PCDHGA9: variants seen among roughly 807,000 people sequenced by gnomAD.
PCDHGA9 encodes protocadherin gamma subfamily A, 9.
A neutral mutation model predicts 62.5 loss-of-function variants in PCDHGA9; 37 were observed. That is an observed-to-expected ratio of 0.59 (90% CI 0.46 to 0.78). The LOEUF (loss-of-function observed/expected upper bound fraction) is 0.78. PCDHGA9 is among the 30% of genes least tolerant of loss of function. The probability of loss-of-function intolerance (pLI) is 0.00; values close to 1 mark genes in which losing one functional copy is unlikely to be tolerated. For missense variants in PCDHGA9, 1,138 were observed against 1,166.2 expected (o/e 0.98, Z 0.35); for synonymous variants, 459 against 484.6 (o/e 0.95, Z 0.69).
At chr5:141,425,524 G>C (rs2096881323) in intron 1 of PCDHGA9, among the ~76,000 whole-genome samples, 1 of 152,184 alleles carries the variant, frequency 6.6e-6, no homozygotes, top group Non-Finnish European at 1.5e-5. Context: ...GATGAAACAT[G>C]AAACAATAAT....
At chr5:141,501,871 C>T (rs562714939) in intron 2 of PCDHGA9, among the ~76,000 whole-genome samples, 3 of 152,244 alleles carry the variant, frequency 2.0e-5, no homozygotes, top group African/African-American at 7.2e-5. Context: ...CAGGACGCCT[C>T]CTTACACTCC....
rs761126985 is a variant in PCDHGA9 at position 141,431,245 on chromosome 5, C to G, written c.2424+25869C>G. ...TACCCCACGCCTGGGATCCGGATAT[C>G]GGGAAGAACTCTCTGCAGAGCTACG... is the stretch of plus-strand genomic sequence containing the variant. On this transcript the variant is annotated intron_variant, in intron 1 of 3. Transcript: ENST00000573521. This position sits in a 1 kb window ranked among gnomAD's most constrained non-coding sequence, Gnocchi z 4.8. 1.2e-6 allele frequency: 2 copies of G among 1,614,016 alleles called. No homozygotes were observed. Among genetic ancestry groups the G allele is most frequent in the Non-Finnish European group, 1.7e-6 (2 of 1,180,046 alleles).
chr5:141,423,267 G>A (rs530404769), intron 1 of PCDHGA9: 1 of 1,613,710 alleles, frequency 6.2e-7, no homozygotes, highest in Non-Finnish European at 8.5e-7. Flanking sequence ...GCAGCCTCGA[G>A]TCTCTGGCTA....
intron 3 of PCDHGA9, among the ~76,000 whole-genome samples, chr5:141,505,861 C>A (rs115699706): frequency 0.034 from 5,102 of 152,242 alleles, 131 homozygotes; most frequent in Admixed American, 0.057. Flanking sequence ...GGGACAGGGA[C>A]CCCAAAGGGT....
intron 1 of PCDHGA9, chr5:141,478,355 G>A: frequency 6.2e-7 from 1 of 1,613,742 alleles, no homozygotes; most frequent in Non-Finnish European, 8.5e-7. Context: ...CGCGGACGCC[G>A]TGCGGGGAGG....
chr5:141,425,221 C>T (rs2096862694), intron 1 of PCDHGA9, among the ~76,000 whole-genome samples: 1 of 152,068 alleles, frequency 6.6e-6, no homozygotes, highest in African/African-American at 2.4e-5. Context: ...TGTACTTTGA[C>T]TGGAATTAGT....
Position 141,431,363 on chromosome 5 carries a change from C to A in PCDHGA9, c.2424+25987C>A. ...ATTGGTGCTGAAACGCGCCCTGGAC[C>A]GCGAAGAAAAGGCTGCTCACCACCT... On this transcript the variant is annotated intron_variant, in intron 1 of 3. Transcript: ENST00000573521. The surrounding 1 kb of genome is among the most constrained non-coding windows in gnomAD (Gnocchi z 4.8). 1 of 1,614,024 alleles carries A rather than the reference C, an allele frequency of 6.2e-7. No homozygotes were observed. Among genetic ancestry groups the A allele is most frequent in the Non-Finnish European group, 8.5e-7 (1 of 1,180,028 alleles).
intron 1 of PCDHGA9, among the ~76,000 whole-genome samples, chr5:141,407,444 C>G (rs578101282): frequency 6.7e-6 from 1 of 150,116 alleles, no homozygotes; most frequent in South Asian, 2.1e-4. Flanking sequence ...AAAACCAGAA[C>G]ACGAGGCTCA....
Position 141,491,414 on chromosome 5 carries a change from G to A in PCDHGA9, c.2425-3393G>A. On this transcript the variant is annotated intron_variant, in intron 1 of 3. Coordinates refer to ENST00000573521, the MANE Select transcript of PCDHGA9 (RefSeq NM_018921.3). The surrounding 1 kb of genome is among the most constrained non-coding windows in gnomAD (Gnocchi z 6.9). ...CTTCAGGGAAACGCAGACGGGGACGGGGGTGGAGGGCAGTGCTGCAGGCGC... is the reference window on the plus strand; with the variant it reads ...CTTCAGGGAAACGCAGACGGGGACGAGGGTGGAGGGCAGTGCTGCAGGCGC... 2 of 1,614,126 alleles carry A rather than the reference G, an allele frequency of 1.2e-6. No individual in the cohort carries two copies. Among genetic ancestry groups the A allele is most frequent in the Non-Finnish European group, 1.7e-6 (2 of 1,180,022 alleles).
Position 141,486,638 on chromosome 5 carries a change from C to T in PCDHGA9, c.2425-8169C>T, listed in dbSNP as rs753730551. 5.6e-6 allele frequency: 9 copies of T among 1,613,700 alleles called. No homozygotes were observed. In the East Asian group the frequency reaches 8.9e-5, roughly 16 times the overall value. On this transcript the variant is annotated intron_variant, in intron 1 of 3. Coordinates refer to ENST00000573521, the MANE Select transcript of PCDHGA9 (RefSeq NM_018921.3). This position sits in a 1 kb window ranked among gnomAD's most constrained non-coding sequence, Gnocchi z 5.0. The stretch of plus-strand genomic sequence containing the variant: ...TGACCCAGACTCTGGCTTGAATGCG[C>T]TTATCTCCTACTCACTCCTGGAGCC...
In PCDHGA9 at chr5:141,432,704, C is replaced by T; in HGVS notation, c.2424+27328C>T. ...GAGCCTCGTAGTGGCCGTCCAGGAC[C>T]ACGGCCAGCCCCCTCTCTCCGCCAC... is the stretch of plus-strand genomic sequence containing the variant. On this transcript the variant is annotated intron_variant, in intron 1 of 3. Coordinates refer to ENST00000573521, the MANE Select transcript of PCDHGA9 (RefSeq NM_018921.3). The surrounding 1 kb of genome is among the most constrained non-coding windows in gnomAD (Gnocchi z 6.0). The T allele has an allele frequency of 6.2e-7, 1 of 1,613,966 alleles. No homozygotes were observed. The highest frequency in any genetic ancestry group is 8.5e-7 in the Non-Finnish European group (1 of 1,179,976).
intron 1 of PCDHGA9, among the ~76,000 whole-genome samples, chr5:141,480,875 T>C (rs1285607270): frequency 6.6e-6 from 1 of 152,062 alleles, no homozygotes; most frequent in African/African-American, 2.4e-5. Context: ...TGAAACCCCG[T>C]CTCTACTAAA....
In PCDHGA9 at chr5:141,487,414, T is replaced by C; in HGVS notation, c.2425-7393T>C. On this transcript the variant is annotated intron_variant, in intron 1 of 3. Coordinates refer to ENST00000573521, the MANE Select transcript of PCDHGA9 (RefSeq NM_018921.3). This position sits in a 1 kb window ranked among gnomAD's most constrained non-coding sequence, Gnocchi z 5.0. The stretch of plus-strand genomic sequence containing the variant: ...GGAGGGAGGGGCTTCCCCCTTCCAA[T>C]GGGATCCTCCGAATCCAGCTAGGGT... 3.7e-6 allele frequency: 6 copies of C among 1,614,174 alleles called. No individual in the cohort carries two copies. The highest frequency in any genetic ancestry group is 5.1e-6 in the Non-Finnish European group (6 of 1,180,006).
chr5:141,432,395 G>C lies in PCDHGA9; in HGVS notation c.2424+27019G>C, dbSNP rs748660079. The C allele has an allele frequency of 1.2e-6, 2 of 1,614,242 alleles. No homozygotes were observed. The highest frequency in any genetic ancestry group is 4.5e-5 in the East Asian group (2 of 44,882). On this transcript the variant is annotated intron_variant, in intron 1 of 3. Coordinates refer to ENST00000573521, the MANE Select transcript of PCDHGA9 (RefSeq NM_018921.3). The surrounding 1 kb of genome is among the most constrained non-coding windows in gnomAD (Gnocchi z 6.0). The stretch of plus-strand genomic sequence containing the variant: ...CGGGCACCCGCCCCTCAGCAGCAAC[G>C]TGTCGTTGAGCCTGTTCGTGCTGGA...
chr5:141,504,130 C>T (rs1334901812), intron 2 of PCDHGA9, among the ~76,000 whole-genome samples: 1 of 152,154 alleles, frequency 6.6e-6, no homozygotes, highest in African/African-American at 2.4e-5. Flanking sequence ...TGTTTCCCGC[C>T]AACACTCCCC....
chr5:141,420,963 A>T, intron 1 of PCDHGA9: 1 of 430,262 alleles, frequency 2.3e-6, no homozygotes, highest in Non-Finnish European at 4.1e-6. Flanking sequence ...TAGTCGTTGC[A>T]ATAATAAGAA....
intron 1 of PCDHGA9, among the ~76,000 whole-genome samples, chr5:141,462,264 G>A (rs966953621): frequency 1.3e-5 from 2 of 152,174 alleles, no homozygotes; most frequent in African/African-American, 4.8e-5. Context: ...CCAGCCTAAA[G>A]TGTATTGTTT....
chr5:141,475,542 G>A (rs1182059354), intron 1 of PCDHGA9, among the ~76,000 whole-genome samples: 1 of 152,174 alleles, frequency 6.6e-6, no homozygotes, highest in East Asian at 1.9e-4. Flanking sequence ...TTACAAGTAG[G>A]GTCCGGCTAA....
At chr5:141,405,556 C>G in intron 1 of PCDHGA9, 180 bp downstream of exon 1, 1 of 619,826 alleles carries the variant, frequency 1.6e-6, no homozygotes, top group African/African-American at 1.8e-5. Flanking sequence ...AGTAGAGTAG[C>G]TGGGACTAGA....
Sources: allele counts gnomAD v4.1 joint callset (sites outside exome capture counted in the v4.1 genomes callset), GRCh38; gene constraint gnomAD v4.1.1; non-coding constraint Gnocchi (gnomAD v3.1); transcripts MANE v1.5; gene names NCBI Gene and HGNC (gene_info 2026-07-23, HGNC 2026-07-21).